CUL2: variants seen among roughly 807,000 people sequenced by gnomAD.
The protein encoded by CUL2 is cullin 2, also known as cullin-2.
CUL2 carries 22 observed loss-of-function variants against 110.2 expected under a neutral mutation model. The observed-to-expected ratio is 0.20, with a 90% CI of 0.14 to 0.28. The LOEUF (loss-of-function observed/expected upper bound fraction) is 0.28, where lower values mean the gene tolerates loss of function less well. Among genes scored for constraint, CUL2 ranks in the 10% least tolerant of loss-of-function variants. The pLI, the probability that CUL2 is intolerant of heterozygous loss-of-function variation, is 1.00. For missense variants in CUL2, 631 were observed against 905.5 expected (o/e 0.70, Z 3.89); for synonymous variants, 279 against 293.2 (o/e 0.95, Z 0.49).
In CUL2 at chr10:35,069,528, G is replaced by C. The variant is rs78611367; in HGVS notation, c.119+1671C>G. ...TGTACTCCAGCCTGGGTGACAAAGT[G>C]AGACCCTGTCTCTAAAAAGTAAAAA... On this transcript the variant is annotated intron_variant, in intron 2 of 20. Coordinates refer to ENST00000374749, the MANE Select transcript of CUL2 (RefSeq NM_003591.4). 5.7e-3 allele frequency among the ~76,000 whole-genome samples: 857 copies of C among 151,338 alleles called. 7 individuals are homozygous for C. The highest frequency in any genetic ancestry group is 7.0e-3 in the Non-Finnish European group (474 of 67,876).
At chr10:35,096,669 A>T (rs2087304380) in intron 2 of CUL2, among the ~76,000 whole-genome samples, 1 of 152,194 alleles carries the variant, frequency 6.6e-6, no homozygotes, top group Non-Finnish European at 1.5e-5. Context: ...GTACTAAAAA[A>T]CAAAACAAAA....
chr10:35,021,812 G>C (rs1016765227), intron 17 of CUL2, among the ~76,000 whole-genome samples: 7 of 141,042 alleles, frequency 5.0e-5, no homozygotes, highest in Non-Finnish European at 9.2e-5. Flanking sequence ...GAGGAGAGGC[G>C]AGGTGGGGTG....
chr10:35,080,903 TAATAC>T (rs929310886), intron 1 of CUL2, among the ~76,000 whole-genome samples: 2 of 152,056 alleles, frequency 1.3e-5, no homozygotes, highest in African/African-American at 4.8e-5. Flanking sequence ...AATGTATTCA[TAATAC>T]AATAAGTTAC....
At chr10:35,086,639 C>G (rs1388738714) in intron 1 of CUL2, among the ~76,000 whole-genome samples, 1 of 151,700 alleles carries the variant, frequency 6.6e-6, no homozygotes, top group Non-Finnish European at 1.5e-5. Flanking sequence ...CTTAACGAGA[C>G]CAGCCTGGCC....
intron 17 of CUL2, among the ~76,000 whole-genome samples, chr10:35,021,224 A>G (rs1467643984): frequency 1.3e-5 from 2 of 150,736 alleles, no homozygotes; most frequent in Admixed American, 1.3e-4. Context: ...ATTAACCTCC[A>G]TGTTAATCTG....
intron 4 of CUL2, among the ~76,000 whole-genome samples, chr10:35,056,267 G>T (rs2086238504): frequency 6.6e-6 from 1 of 152,154 alleles, no homozygotes; most frequent in African/African-American, 2.4e-5. Context: ...AGCAAGGATA[G>T]CAAAAGCTAA....
intron 8 of CUL2, among the ~76,000 whole-genome samples, chr10:35,040,827 C>T (rs1252421471): frequency 6.6e-6 from 1 of 152,152 alleles, no homozygotes; most frequent in Non-Finnish European, 1.5e-5. Flanking sequence ...CATCCTAGAC[C>T]CCTTGCATGC....
At chr10:35,121,809 C>CA (rs148455667) in intron 1 of CUL2, among the ~76,000 whole-genome samples, 19,677 of 93,878 alleles carry the variant, frequency 0.21, 1,459 homozygotes, top group Middle Eastern at 0.3. Context: ...GACCCTGTCT[C>CA]AAAAAAAAAA....
At chr10:35,043,021 A>G (rs1452550151) in intron 8 of CUL2, among the ~76,000 whole-genome samples, 1 of 152,054 alleles carries the variant, frequency 6.6e-6, no homozygotes, top group African/African-American at 2.4e-5. Flanking sequence ...GTGGGAGAAG[A>G]GAGCCACACC....
chr10:35,110,015 T>C (rs1326351613), intron 1 of CUL2, among the ~76,000 whole-genome samples: 1 of 152,000 alleles, frequency 6.6e-6, no homozygotes, highest in Non-Finnish European at 1.5e-5. Context: ...CTCCAGACAA[T>C]AATTGAAAAA....
chr10:35,044,698 T>C (rs1046572018), intron 7 of CUL2, 22 bp from the exon 8 acceptor site: 5 of 1,583,180 alleles, frequency 3.2e-6, no homozygotes, highest in African/African-American at 1.4e-5. Context: ...AATTACATCA[T>C]ATTAGAAGAA....
chr10:35,075,959 T>C (rs957944718), intron 1 of CUL2, among the ~76,000 whole-genome samples: 14 of 152,136 alleles, frequency 9.2e-5, no homozygotes, highest in Admixed American at 2.0e-4. Context: ...ATACAACATA[T>C]TCACATAAAA....
chr10:35,062,314 T>C (rs1286580475), intron 3 of CUL2, among the ~76,000 whole-genome samples: 1 of 152,108 alleles, frequency 6.6e-6, no homozygotes, highest in Non-Finnish European at 1.5e-5. Flanking sequence ...GAAGACTTCA[T>C]ATAGCACATG....
chr10:35,063,448 G>A (rs2086435586), intron 2 of CUL2, among the ~76,000 whole-genome samples: 1 of 152,086 alleles, frequency 6.6e-6, no homozygotes. Context: ...TATCAATGAA[G>A]GGCTATGGAA....
At chr10:35,115,380 T>C (rs1158325395) in intron 1 of CUL2, among the ~76,000 whole-genome samples, 1 of 148,790 alleles carries the variant, frequency 6.7e-6, no homozygotes, top group Non-Finnish European at 1.5e-5. Flanking sequence ...GCAAACATAA[T>C]GAAACCCCGT....
chr10:35,038,861 A>C (rs1404526651), intron 9 of CUL2, 59 bp downstream of exon 9: 11 of 1,141,596 alleles, frequency 9.6e-6, no homozygotes, highest in African/African-American at 3.1e-5. Flanking sequence ...GGGTGACTAG[A>C]GGATGATATA....
chr10:35,043,373 T>C (rs1324572486), intron 8 of CUL2, among the ~76,000 whole-genome samples: 1 of 152,096 alleles, frequency 6.6e-6, no homozygotes, highest in South Asian at 2.1e-4. Flanking sequence ...ACTTAATTGA[T>C]GGGGGAAAAG....
intron 17 of CUL2, among the ~76,000 whole-genome samples, chr10:35,017,869 C>A (rs576749989): frequency 2.3e-5 from 3 of 128,490 alleles, no homozygotes; most frequent in Non-Finnish European, 3.4e-5. Flanking sequence ...ATGTTCCATA[C>A]GTGTTTAAAA....
chr10:35,065,126 C>A (rs1471652380), intron 2 of CUL2, among the ~76,000 whole-genome samples: 1 of 152,116 alleles, frequency 6.6e-6, no homozygotes, highest in African/African-American at 2.4e-5. Context: ...TTTTCTCTAA[C>A]CTATTCAAAT....
Sources: allele counts gnomAD v4.1 joint callset (sites outside exome capture counted in the v4.1 genomes callset), GRCh38; gene constraint gnomAD v4.1.1; transcripts MANE v1.5; gene names NCBI Gene and HGNC (gene_info 2026-07-23, HGNC 2026-07-21).